The following TMEM167A variants were observed in gnomAD, a reference collection of about 807,000 sequenced individuals.
The protein encoded by TMEM167A is protein kish-A.
Under a neutral mutation model 11.6 loss-of-function variants are expected in TMEM167A, and 8 were observed. The ratio of observed to expected loss-of-function variants is 0.69; its 90% CI spans 0.40 to 1.24. The LOEUF (loss-of-function observed/expected upper bound fraction) is 1.24, where lower values mean the gene tolerates loss of function less well. TMEM167A is among the 50% of genes most tolerant of loss of function. TMEM167A has a pLI of 0.01. For synonymous variants in TMEM167A, 22 were observed against 28.0 expected (o/e 0.79, Z 0.67); for missense variants, 62 against 87.0 (o/e 0.71, Z 1.14).
intron 3 of TMEM167A, among the ~76,000 whole-genome samples, chr5:83,061,370 T>G (rs1744403825): frequency 1.3e-5 from 2 of 152,182 alleles, no homozygotes; most frequent in Admixed American, 6.5e-5. Flanking sequence ...TAGAAAGATT[T>G]TCTGTCTCTG....
chr5:83,069,519 G>C (rs1359635556), intron 1 of TMEM167A, among the ~76,000 whole-genome samples: 2 of 151,844 alleles, frequency 1.3e-5, no homozygotes, highest in Admixed American at 1.3e-4. Flanking sequence ...CTTTTCCAAG[G>C]TACTCTATTG....
intron 2 of TMEM167A, among the ~76,000 whole-genome samples, chr5:83,064,668 GA>G (rs1323212578): frequency 1.3e-5 from 2 of 152,106 alleles, no homozygotes; most frequent in East Asian, 3.9e-4. Context: ...GGACTTTACT[GA>G]AAAAGGTGGA....
intron 2 of TMEM167A, among the ~76,000 whole-genome samples, chr5:83,062,794 G>A (rs1055884203): frequency 6.0e-5 from 9 of 150,080 alleles, no homozygotes; most frequent in African/African-American, 9.8e-5. Context: ...ACGTAAATTC[G>A]AATTATTATC....
At position 83,069,644 on chromosome 5, in the gene TMEM167A, CAG is replaced by C. The variant is rs543748556; in HGVS notation, c.4-4529_4-4528del. ...TCCTGTTCCCACTCACTATACCAAG[CAG>C]AGTCAGGATTTTTGTATGTGCATAA... On this transcript the variant is annotated intron_variant, in intron 1 of 3. Coordinates refer to ENST00000502346, the MANE Select transcript of TMEM167A (RefSeq NM_174909.5). Among the ~76,000 whole-genome samples the C allele has an allele frequency of 1.8e-4, 28 of 152,082 alleles. No individual in the cohort carries two copies. The East Asian group carries it at 4.9e-3, about 26-fold the overall frequency.
In TMEM167A at chr5:83,073,042, T is replaced by C. The variant is rs149794201; in HGVS notation, c.3+4279A>G. On this transcript the variant is annotated intron_variant, in intron 1 of 3. Coordinates refer to ENST00000502346, the MANE Select transcript of TMEM167A (RefSeq NM_174909.5). ...CCCACTCCTGACATAAAAAATTTGC[T>C]TTTCTTAATATTTTTGTGCAATTAA... Among the ~76,000 whole-genome samples, 18 of 152,340 alleles carry C rather than the reference T, an allele frequency of 1.2e-4. No homozygotes were observed. In the East Asian group the frequency reaches 3.5e-3, roughly 29 times the overall value.
intron 1 of TMEM167A, among the ~76,000 whole-genome samples, chr5:83,076,096 G>C (rs1025472569): frequency 2.0e-5 from 3 of 152,180 alleles, no homozygotes; most frequent in African/African-American, 7.2e-5. Flanking sequence ...TCGGGGACCT[G>C]GACATTAAAA....
At chr5:83,063,278 G>A (rs1005481495) in intron 2 of TMEM167A, among the ~76,000 whole-genome samples, 3 of 152,078 alleles carry the variant, frequency 2.0e-5, no homozygotes, top group Non-Finnish European at 4.4e-5. Flanking sequence ...CACCCTCAAA[G>A]GGTTGTTATG....
chr5:83,058,398 T>TA (rs554632758), intron 3 of TMEM167A, among the ~76,000 whole-genome samples: 257 of 151,940 alleles, frequency 1.7e-3, no homozygotes, highest in Middle Eastern at 3.4e-3. Context: ...GCCTTCCGGC[T>TA]AAAAAAAATC....
chr5:83,076,174 A>G (rs956112980), intron 1 of TMEM167A, among the ~76,000 whole-genome samples: 29 of 152,316 alleles, frequency 1.9e-4, no homozygotes, highest in African/African-American at 6.0e-4. Flanking sequence ...TTCATGTTTC[A>G]CTTCTTTCAC....
intron 2 of TMEM167A, among the ~76,000 whole-genome samples, chr5:83,064,719 T>C (rs1744456636): frequency 6.6e-6 from 1 of 152,106 alleles, no homozygotes; most frequent in Non-Finnish European, 1.5e-5. Context: ...TGGAGTATTA[T>C]CATAAAAACT....
intron 3 of TMEM167A, among the ~76,000 whole-genome samples, chr5:83,060,187 CA>C (rs1430427731): frequency 2.7e-5 from 4 of 145,968 alleles, no homozygotes; most frequent in Non-Finnish European, 4.6e-5. Context: ...CTAAAGGGAA[CA>C]CAGTTTATCT....
chr5:83,072,961 AT>A (rs1372459397), intron 1 of TMEM167A, among the ~76,000 whole-genome samples: 2 of 152,186 alleles, frequency 1.3e-5, no homozygotes, highest in Non-Finnish European at 2.9e-5. Flanking sequence ...TGCCATTTTC[AT>A]GGATGATGCA....
intron 2 of TMEM167A, among the ~76,000 whole-genome samples, chr5:83,063,637 T>C (rs1350006169): frequency 6.6e-6 from 1 of 152,032 alleles, no homozygotes; most frequent in East Asian, 1.9e-4. Context: ...CAGCACCACT[T>C]TGGTTTTTTC....
chr5:83,076,786 G>A lies in TMEM167A; in HGVS notation c.3+535C>T, dbSNP rs16900150. Among the ~76,000 whole-genome samples the A allele has an allele frequency of 3.1e-3, 467 of 152,350 alleles. 12 individuals are homozygous for A. In the East Asian group the frequency reaches 0.078, roughly 25 times the overall value. ...CCTAGAAGGGCAATCCACCTTTGCA[G>A]AGAACTCTTAACTATTAAAACCTAT... On this transcript the variant is annotated intron_variant, in intron 1 of 3. Transcript: ENST00000502346.
In TMEM167A at chr5:83,053,621, T is replaced by C. The variant is rs1190099992; in HGVS notation, c.*3463A>G. On this transcript the variant is annotated 3_prime_UTR_variant, in exon 4 of 4. Transcript: ENST00000502346. The stretch of plus-strand genomic sequence containing the variant: ...TTTTGAGGTAGGTAATCAACAGGAA[T>C]GAGAAAAATACAAGACAGTCTAAGA... 6.6e-6 allele frequency: 1 copy of C among 151,978 alleles called. No individual in the cohort carries two copies. Among genetic ancestry groups the C allele is most frequent in the African/African-American group, 2.4e-5 (1 of 41,412 alleles). The allele number at this position is 151,978 out of a possible 1,614,324, so 9.4% of individuals were successfully genotyped here.
chr5:83,062,656 G>A (rs963953971), intron 2 of TMEM167A, among the ~76,000 whole-genome samples: 86 of 151,708 alleles, frequency 5.7e-4, no homozygotes, highest in African/African-American at 2.0e-3. Context: ...AAAAAAGACC[G>A]AATCATCAAT....
intron 1 of TMEM167A, among the ~76,000 whole-genome samples, chr5:83,075,650 CAGG>C (rs553548774): frequency 2.0e-5 from 3 of 151,750 alleles, no homozygotes; most frequent in Non-Finnish European, 4.4e-5. Context: ...GAGGCTGAGG[CAGG>C]AGAATTGCTT....
rs1488181708 is a variant in TMEM167A, at chr5:83,077,363, G to A, written c.-40C>T. The stretch of plus-strand genomic sequence containing the variant: ...TGCCGCAGCCACATCACCCTTCCGG[G>A]GCTCAGGCGGAAGAGGCTGCATGTC... On this transcript the variant is annotated 5_prime_UTR_variant, in exon 1 of 4. Transcript: ENST00000502346. 6.2e-7 allele frequency: 1 copy of A among 1,614,134 alleles called. No individual in the cohort carries two copies. The highest frequency in any genetic ancestry group is 1.1e-5 in the South Asian group (1 of 91,082).
At chr5:83,065,636 C>T (rs1484916836) in intron 1 of TMEM167A, among the ~76,000 whole-genome samples, 3 of 151,962 alleles carry the variant, frequency 2.0e-5, no homozygotes, top group African/African-American at 7.3e-5. Flanking sequence ...TTCATTGGAG[C>T]ATTTTGGATT....
Sources: allele counts gnomAD v4.1 joint callset (sites outside exome capture counted in the v4.1 genomes callset), GRCh38; gene constraint gnomAD v4.1.1; transcripts MANE v1.5; gene names NCBI Gene and HGNC (gene_info 2026-07-23, HGNC 2026-07-21).